The following OTUD7A variants were observed in gnomAD, a reference collection of about 807,000 sequenced individuals.
The protein encoded by OTUD7A is OTU domain-containing protein 7A.
A neutral mutation model predicts 65.7 loss-of-function variants in OTUD7A; 12 were observed. The observed-to-expected ratio is 0.18, with a 90% CI of 0.12 to 0.30. The LOEUF (loss-of-function observed/expected upper bound fraction) is 0.30. Ranked by LOEUF, OTUD7A falls within the 10% of genes least tolerant of loss-of-function variation. The pLI is 1.00. For missense variants in OTUD7A, 1,148 were observed against 1,304.8 expected (o/e 0.88, Z 1.85); for synonymous variants, 641 against 586.3 (o/e 1.09, Z -1.35).
At chr15:31,670,427 G>A (rs897741817) in intron 1 of OTUD7A, among the ~76,000 whole-genome samples, 1 of 152,132 alleles carries the variant, frequency 6.6e-6, no homozygotes, top group Non-Finnish European at 1.5e-5. Context: ...TTTCTCCACA[G>A]CGTCACCAGC....
chr15:31,724,840 A>C (rs1335687802), intron 1 of OTUD7A, among the ~76,000 whole-genome samples: 3 of 152,128 alleles, frequency 2.0e-5, no homozygotes, highest in African/African-American at 7.2e-5. Context: ...AAAAGAGCTT[A>C]AGGGTAGGTC....
In OTUD7A at chr15:31,478,536, G is replaced by C. The variant is rs1337228762; in HGVS notation, c.*4758C>G. The C allele has an allele frequency of 6.6e-6, 1 of 152,196 alleles. No homozygotes were observed. The highest frequency in any genetic ancestry group is 1.5e-5 in the Non-Finnish European group (1 of 68,040). The allele number at this position is 152,196 out of a possible 1,614,324, so 9.4% of individuals were successfully genotyped here. ...AACAGTAACATTACTAGCATGGTTG[G>C]AGATGATGGCTTCAGTGCTACTCTG... On this transcript the variant is annotated 3_prime_UTR_variant, in exon 13 of 13. Coordinates refer to ENST00000307050, the MANE Select transcript of OTUD7A (RefSeq NM_001382637.1).
chr15:31,491,069 C>T (rs2041311600), intron 10 of OTUD7A, among the ~76,000 whole-genome samples: 1 of 151,924 alleles, frequency 6.6e-6, no homozygotes, highest in Non-Finnish European at 1.5e-5. Context: ...CTTTACTGTC[C>T]TACTCAAGAT....
intron 1 of OTUD7A, among the ~76,000 whole-genome samples, chr15:31,761,380 T>G (rs1372068500): frequency 6.6e-6 from 1 of 152,092 alleles, no homozygotes; most frequent in African/African-American, 2.4e-5. Flanking sequence ...TAGATATTTC[T>G]CAAAAGAATA....
chr15:31,622,990 C>A (rs1322232711), intron 3 of OTUD7A, among the ~76,000 whole-genome samples: 1 of 152,230 alleles, frequency 6.6e-6, no homozygotes, highest in East Asian at 1.9e-4. Context: ...ATAGTCAGGA[C>A]CCTCAGCTGC....
At chr15:31,512,789 G>A (rs774869476) in intron 8 of OTUD7A, among the ~76,000 whole-genome samples, 4 of 152,216 alleles carry the variant, frequency 2.6e-5, no homozygotes, top group Non-Finnish European at 5.9e-5. Flanking sequence ...AGTATGCAAG[G>A]CAAATATTTA....
intron 1 of OTUD7A, among the ~76,000 whole-genome samples, chr15:31,842,017 C>T (rs1160290782): frequency 6.6e-6 from 1 of 152,236 alleles, no homozygotes; most frequent in Non-Finnish European, 1.5e-5. Flanking sequence ...CGACCACCTG[C>T]ATGCCCATCA....
At chr15:31,497,024 A>C (rs2041395385) in intron 10 of OTUD7A, among the ~76,000 whole-genome samples, 1 of 152,074 alleles carries the variant, frequency 6.6e-6, no homozygotes, top group South Asian at 2.1e-4. Flanking sequence ...CAGCCGTTTC[A>C]GAGCTCTCTG....
chr15:31,822,386 C>T (rs149615273), intron 1 of OTUD7A, among the ~76,000 whole-genome samples: 1 of 152,312 alleles, frequency 6.6e-6, no homozygotes, highest in Non-Finnish European at 1.5e-5. Flanking sequence ...CACCCTAGCT[C>T]CCTCCAGTTT....
At chr15:31,696,647 C>T (rs1192277395) in intron 1 of OTUD7A, among the ~76,000 whole-genome samples, 7 of 150,044 alleles carry the variant, frequency 4.7e-5, no homozygotes, top group Non-Finnish European at 7.4e-5. Flanking sequence ...CAGAGGCACG[C>T]GTCCTGGTGA....
intron 1 of OTUD7A, among the ~76,000 whole-genome samples, chr15:31,802,131 G>GTATATATA (rs1286066693): frequency 1.1e-4 from 15 of 131,206 alleles, no homozygotes; most frequent in African/African-American, 4.2e-4. Flanking sequence ...GTGTGTGTGT[G>GTATATATA]TGTGTGTGTG....
At chr15:31,681,529 C>G (rs989807527) in intron 1 of OTUD7A, among the ~76,000 whole-genome samples, 2 of 151,782 alleles carry the variant, frequency 1.3e-5, no homozygotes, top group Non-Finnish European at 2.9e-5. Context: ...CATATCTACC[C>G]GTATGCCTAT....
At position 31,579,908 on chromosome 15, in the gene OTUD7A, G is replaced by A. The variant is rs571088811; in HGVS notation, c.152-9711C>T. ...TGTTTTCCATTACTTGGAGCCCAAC[G>A]CATTCCTAAATAATGTAGGGAAAAA... On this transcript the variant is annotated intron_variant, in intron 3 of 12. Coordinates refer to ENST00000307050, the MANE Select transcript of OTUD7A (RefSeq NM_001382637.1). Among the ~76,000 whole-genome samples, 20 of 152,286 alleles carry A rather than the reference G, an allele frequency of 1.3e-4. No individual in the cohort carries two copies. In the East Asian group the frequency reaches 2.3e-3, roughly 18 times the overall value.
intron 3 of OTUD7A, among the ~76,000 whole-genome samples, chr15:31,619,205 G>C (rs1209970541): frequency 1.3e-5 from 2 of 152,174 alleles, no homozygotes; most frequent in Non-Finnish European, 2.9e-5. Context: ...AAGTCAGGTA[G>C]GGTGATGCCT....
intron 1 of OTUD7A, among the ~76,000 whole-genome samples, chr15:31,757,989 C>T (rs1894861603): frequency 6.6e-6 from 1 of 152,118 alleles, no homozygotes. Flanking sequence ...ATATTCAATG[C>T]TAGGTAGTTT....
chr15:31,864,816 A>C (rs1022486173), intron 1 of OTUD7A, among the ~76,000 whole-genome samples: 4 of 151,948 alleles, frequency 2.6e-5, no homozygotes, highest in African/African-American at 9.7e-5. Flanking sequence ...AGTTCATCTA[A>C]GCAATGCCTT....
At chr15:31,798,268 A>G (rs1896026314) in intron 1 of OTUD7A, among the ~76,000 whole-genome samples, 1 of 152,166 alleles carries the variant, frequency 6.6e-6, no homozygotes, top group South Asian at 2.1e-4. Flanking sequence ...ATTCTGAGAG[A>G]GGGTGGCCCC....
intron 3 of OTUD7A, among the ~76,000 whole-genome samples, chr15:31,636,795 T>C (rs1274639975): frequency 2.6e-5 from 4 of 152,212 alleles, no homozygotes; most frequent in African/African-American, 7.2e-5. Context: ...CAGTGGTCTG[T>C]GGTCTGGATA....
intron 1 of OTUD7A, among the ~76,000 whole-genome samples, chr15:31,682,565 T>G (rs993438002): frequency 6.6e-6 from 1 of 152,210 alleles, no homozygotes; most frequent in Non-Finnish European, 1.5e-5. Context: ...AAAAGACAAC[T>G]GATTTTTGAC....
Sources: gnomAD v4.1 joint callset for allele counts (sites outside exome capture counted in the v4.1 genomes callset) on GRCh38, gnomAD v4.1.1 for gene constraint, MANE v1.5 for transcripts, NCBI Gene and HGNC (gene_info 2026-07-23, HGNC 2026-07-21) for gene names.